PDE1C: variants seen among roughly 807,000 people sequenced by gnomAD.
The protein encoded by PDE1C is phosphodiesterase 1C.
A neutral mutation model predicts 93.1 loss-of-function variants in PDE1C; 62 were observed. The observed-to-expected ratio is 0.67, with a 90% CI of 0.54 to 0.82. The LOEUF is 0.82. Among genes scored for constraint, PDE1C ranks in the 40% least tolerant of loss-of-function variants. The pLI is 0.00. For synonymous variants in PDE1C, 325 were observed against 310.1 expected (o/e 1.05, Z -0.50); for missense variants, 742 against 884.6 (o/e 0.84, Z 2.04).
the PDE1C span, among the ~76,000 whole-genome samples, chr7:31,694,833 C>T: frequency 6.6e-6 from 1 of 152,288 alleles, no homozygotes; most frequent in South Asian, 2.1e-4. Context: ...GGCTTCAAAG[C>T]TCTGGTGGGG....
intron 3 of PDE1C, among the ~76,000 whole-genome samples, chr7:32,118,195 A>C (rs901213572): frequency 3.9e-5 from 6 of 152,202 alleles, no homozygotes; most frequent in African/African-American, 1.4e-4. Flanking sequence ...TCCTGTGAGC[A>C]TCACCACAGA....
At chr7:31,743,543 C>T in the PDE1C span, among the ~76,000 whole-genome samples, 5 of 151,342 alleles carry the variant, frequency 3.3e-5, no homozygotes, top group Middle Eastern at 3.2e-3. Flanking sequence ...TTGAGAAGTT[C>T]GCTGGAGGAT....
intron 16 of PDE1C, among the ~76,000 whole-genome samples, chr7:31,793,343 A>C (rs1784795911): frequency 6.6e-6 from 1 of 152,060 alleles, no homozygotes; most frequent in South Asian, 2.1e-4. Context: ...CACTGGGCTT[A>C]AAAAATATTT....
intron 2 of PDE1C, among the ~76,000 whole-genome samples, chr7:32,186,101 T>TTG (rs866830178): frequency 1.4e-5 from 2 of 144,992 alleles, no homozygotes; most frequent in African/African-American, 2.6e-5. Flanking sequence ...TTTTTTTTTT[T>TTG]TTTTTTTTTT....
chr7:32,174,845 A>G (rs766942451), intron 2 of PDE1C, among the ~76,000 whole-genome samples: 1 of 152,220 alleles, frequency 6.6e-6, no homozygotes, highest in African/African-American at 2.4e-5. Flanking sequence ...TCCTGAATCC[A>G]TAGGGTGCCA....
chr7:32,042,461 G>A (rs1182252264), intron 2 of PDE1C, among the ~76,000 whole-genome samples: 1 of 152,010 alleles, frequency 6.6e-6, no homozygotes, highest in Non-Finnish European at 1.5e-5. Context: ...TCTTTTCCAT[G>A]ACTTCCTTTT....
intron 2 of PDE1C, among the ~76,000 whole-genome samples, chr7:32,020,198 A>G (rs1396573885): frequency 6.6e-6 from 1 of 152,100 alleles, no homozygotes; most frequent in African/African-American, 2.4e-5. Flanking sequence ...TCTTGGCCTC[A>G]GGACATCCTA....
intron 11 of PDE1C, among the ~76,000 whole-genome samples, chr7:31,829,894 AAAAC>A (rs1790163002): frequency 6.6e-6 from 1 of 152,168 alleles, no homozygotes; most frequent in Admixed American, 6.5e-5. Context: ...TAGTTCAGCT[AAAAC>A]AAACAAAACC....
chr7:32,241,412 G>T (rs945084919), intron 1 of PDE1C, among the ~76,000 whole-genome samples: 35 of 152,286 alleles, frequency 2.3e-4, no homozygotes, highest in African/African-American at 6.7e-4. Context: ...GTCAAATGCT[G>T]CAGGGTGTCA....
intron 2 of PDE1C, among the ~76,000 whole-genome samples, chr7:32,047,047 G>A (rs1409619800): frequency 8.0e-6 from 1 of 125,434 alleles, no homozygotes; most frequent in Non-Finnish European, 1.7e-5. Context: ...GTGTGTGTGT[G>A]TGTGTGCGAG....
chr7:32,388,847 A>G (rs1784692008), intron 1 of PDE1C, among the ~76,000 whole-genome samples: 1 of 152,118 alleles, frequency 6.6e-6, no homozygotes, highest in Non-Finnish European at 1.5e-5. Context: ...GAAACCGTCT[A>G]GAGAATTCTT....
chr7:32,315,590 T>C (rs1783152654), intron 1 of PDE1C, among the ~76,000 whole-genome samples: 1 of 152,132 alleles, frequency 6.6e-6, no homozygotes, highest in South Asian at 2.1e-4. Context: ...CTTATATGTA[T>C]CCTCCAAATT....
intron 1 of PDE1C, among the ~76,000 whole-genome samples, chr7:32,368,278 A>G (rs974904274): frequency 6.6e-6 from 1 of 151,928 alleles, no homozygotes; most frequent in African/African-American, 2.4e-5. Flanking sequence ...AACTGAAAAA[A>G]CTCTTAGAAC....
chr7:32,369,273 T>C (rs560587328), intron 1 of PDE1C, among the ~76,000 whole-genome samples: 1 of 152,232 alleles, frequency 6.6e-6, no homozygotes, highest in South Asian at 2.1e-4. Flanking sequence ...ATCCAGAATA[T>C]ACAAGGAACT....
intron 2 of PDE1C, among the ~76,000 whole-genome samples, chr7:32,204,555 AGAG>A (rs949163185): frequency 1.3e-5 from 2 of 152,188 alleles, no homozygotes; most frequent in Non-Finnish European, 2.9e-5. Context: ...TACGTCCTCT[AGAG>A]GAGAGGGATG....
At chr7:32,347,828 C>G (rs1231227753) in intron 1 of PDE1C, among the ~76,000 whole-genome samples, 1 of 152,214 alleles carries the variant, frequency 6.6e-6, no homozygotes, top group Non-Finnish European at 1.5e-5. Flanking sequence ...GATAAGAATG[C>G]AGTCCAGCCA....
chr7:31,836,982 T>C (rs1791196418), intron 11 of PDE1C, among the ~76,000 whole-genome samples, 198 bp downstream of exon 11: 1 of 152,062 alleles, frequency 6.6e-6, no homozygotes, highest in Non-Finnish European at 1.5e-5. Context: ...AGGATAAAAA[T>C]ACCATAATGT....
At chr7:31,980,289 T>A (rs1319435188) in intron 2 of PDE1C, among the ~76,000 whole-genome samples, 1 of 152,250 alleles carries the variant, frequency 6.6e-6, no homozygotes, top group African/African-American at 2.4e-5. Context: ...TAATTATTTT[T>A]AGAATAATAT....
In PDE1C at chr7:31,813,476, C is replaced by T. The variant is rs552726090; in HGVS notation, c.1813+2448G>A. Among the ~76,000 whole-genome samples the T allele has an allele frequency of 1.1e-3, 165 of 152,126 alleles. 1 individual carries two copies. Among genetic ancestry groups the T allele is most frequent in the African/African-American group, 2.6e-3 (108 of 41,524 alleles). The stretch of plus-strand genomic sequence containing the variant: ...AGACCAACTCTGTGTTTCCCAAGTT[C>T]CAGTTTTAGTGGAGCTGATGTCTTG... On this transcript the variant is annotated intron_variant, in intron 15 of 17. Transcript: ENST00000396191.
Sources: allele counts gnomAD v4.1 joint callset (sites outside exome capture counted in the v4.1 genomes callset), GRCh38; gene constraint gnomAD v4.1.1; transcripts MANE v1.5; gene names NCBI Gene and HGNC (gene_info 2026-07-23, HGNC 2026-07-21).